TCF7L2: variants seen among roughly 807,000 people sequenced by gnomAD.
TCF7L2 encodes the protein transcription factor 7 like 2, also known as transcription factor 7-like 2.
A neutral mutation model predicts 77.9 loss-of-function variants in TCF7L2; 23 were observed. The observed-to-expected ratio is 0.30, with a 90% CI of 0.21 to 0.42. The LOEUF is 0.42. TCF7L2 is among the 10% of genes least tolerant of loss of function. The pLI is 1.00. For missense variants in TCF7L2, 654 were observed against 793.1 expected (o/e 0.82, Z 2.11); for synonymous variants, 413 against 340.2 (o/e 1.21, Z -2.36).
At chr10:113,014,429 T>C (rs776892996) in intron 4 of TCF7L2, among the ~76,000 whole-genome samples, 1 of 152,170 alleles carries the variant, frequency 6.6e-6, no homozygotes, top group African/African-American at 2.4e-5. Flanking sequence ...CTTCTTGACA[T>C]TGGGAGCTTT....
intron 5 of TCF7L2, among the ~76,000 whole-genome samples, chr10:113,107,774 A>AAAAAAAAAAC (rs1408038947): frequency 6.0e-5 from 9 of 149,896 alleles, no homozygotes; most frequent in Non-Finnish European, 8.9e-5. Flanking sequence ...AAAAAAAAAA[A>AAAAAAAAAAC]AACAACAAAA....
rs114389510 is a variant in TCF7L2, at chr10:113,023,339, A to G, written c.451-16686A>G. On this transcript the variant is annotated intron_variant, in intron 4 of 13. Transcript: ENST00000627217. ...GTTTTACCGCAGCAAGACCTCGTTAAGTTGGCTTCCTCTCATTTAGGCATT... is the reference window on the plus strand; with the variant it reads ...GTTTTACCGCAGCAAGACCTCGTTAGGTTGGCTTCCTCTCATTTAGGCATT... Among the ~76,000 whole-genome samples, 694 of 152,296 alleles carry G rather than the reference A, an allele frequency of 4.6e-3. 4 individuals carry two copies. Among genetic ancestry groups the G allele is most frequent in the African/African-American group, 0.015 (629 of 41,558 alleles).
chr10:113,141,254 A>G lies in TCF7L2; in HGVS notation c.623A>G (p.Asn208Ser), dbSNP rs778461209. ...CTCACGCCTCTTATCACGTACAGCA[A>G]TGAACACTTCACGCCGGGAAACCCA... Residue 208 changes from asparagine to serine, a missense_variant, in exon 6 of 14, where the codon AAT (asparagine) becomes AGT (serine). Transcript: ENST00000627217. 6 of 1,614,152 alleles carry G rather than the reference A, an allele frequency of 3.7e-6. No individual in the cohort carries two copies. In the East Asian group the frequency reaches 1.3e-4, roughly 36 times the overall value.
intron 4 of TCF7L2, among the ~76,000 whole-genome samples, chr10:112,968,683 A>G (rs1329923553): frequency 6.6e-6 from 1 of 152,056 alleles, no homozygotes; most frequent in Non-Finnish European, 1.5e-5. Flanking sequence ...GGATCAAGCA[A>G]TTCTCCTACC....
At chr10:112,969,021 C>G (rs1055266318) in intron 4 of TCF7L2, among the ~76,000 whole-genome samples, 15 of 152,164 alleles carry the variant, frequency 9.9e-5, no homozygotes, top group African/African-American at 3.1e-4. Context: ...TGTTGTGTCT[C>G]AGTAAAACTT....
At chr10:113,012,091 C>T (rs149541048) in intron 4 of TCF7L2, among the ~76,000 whole-genome samples, 5 of 152,270 alleles carry the variant, frequency 3.3e-5, no homozygotes, top group African/African-American at 1.2e-4. Context: ...GCTACTGCGC[C>T]TTGGCAATGG....
intron 5 of TCF7L2, among the ~76,000 whole-genome samples, chr10:113,049,423 C>G (rs1357000716): frequency 6.6e-6 from 1 of 152,010 alleles, no homozygotes; most frequent in Non-Finnish European, 1.5e-5. Flanking sequence ...ACCCCACATT[C>G]AACCCATCAG....
At chr10:113,045,206 G>A (rs1240749977) in intron 5 of TCF7L2, among the ~76,000 whole-genome samples, 1 of 152,178 alleles carries the variant, frequency 6.6e-6, no homozygotes, top group African/African-American at 2.4e-5. Flanking sequence ...CCAAGAGAGA[G>A]TGGAGTCAAT....
chr10:113,043,837 G>C (rs2052931155), intron 5 of TCF7L2, among the ~76,000 whole-genome samples: 1 of 152,124 alleles, frequency 6.6e-6, no homozygotes, highest in Non-Finnish European at 1.5e-5. Context: ...GGTAGAGTTT[G>C]AGTCAGTCTT....
intron 8 of TCF7L2, among the ~76,000 whole-genome samples, chr10:113,149,913 G>C (rs1475011978): frequency 1.3e-5 from 2 of 152,162 alleles, no homozygotes; most frequent in African/African-American, 4.8e-5. Flanking sequence ...TTCTATAGTA[G>C]GATATGTTGC....
intron 5 of TCF7L2, among the ~76,000 whole-genome samples, chr10:113,070,860 G>C (rs780226690): frequency 2.6e-5 from 4 of 152,130 alleles, no homozygotes; most frequent in Non-Finnish European, 4.4e-5. Context: ...CAGGAGTTGT[G>C]CGAGCATCGT....
chr10:113,135,901 C>G (rs764372520), intron 5 of TCF7L2, among the ~76,000 whole-genome samples: 1 of 152,010 alleles, frequency 6.6e-6, no homozygotes, highest in African/African-American at 2.4e-5. Flanking sequence ...CAGATCCCAC[C>G]GAGAGTCCTG....
At chr10:113,051,465 AAT>A (rs1344605810) in intron 5 of TCF7L2, among the ~76,000 whole-genome samples, 7 of 152,224 alleles carry the variant, frequency 4.6e-5, no homozygotes, top group African/African-American at 1.7e-4. Context: ...TATAATAAAA[AAT>A]GACATGCTTT....
chr10:113,123,007 G>T (rs1053130620), intron 5 of TCF7L2, among the ~76,000 whole-genome samples: 1 of 152,214 alleles, frequency 6.6e-6, no homozygotes, highest in Admixed American at 6.5e-5. Flanking sequence ...CATGACGAGA[G>T]TGAAGGGCAG....
chr10:113,042,961 G>C (rs1022674168), intron 5 of TCF7L2, among the ~76,000 whole-genome samples: 1 of 152,112 alleles, frequency 6.6e-6, no homozygotes, highest in African/African-American at 2.4e-5. Flanking sequence ...CAGACACTTG[G>C]GGCTCTTGTT....
Position 113,130,073 on chromosome 10 carries a change from CT to C in TCF7L2, c.553-11106del, listed in dbSNP as rs1056161115. On this transcript the variant is annotated intron_variant, in intron 5 of 13. Coordinates refer to ENST00000627217, the MANE Select transcript of TCF7L2 (RefSeq NM_001146274.2). ...TATGGTATTGACCATTAAACCTATGCTTTTTCCCCCCCCTTAATTTAGATCA... is the reference window on the plus strand; with the variant it reads ...TATGGTATTGACCATTAAACCTATGCTTTTCCCCCCCCTTAATTTAGATCA... The C allele has an allele frequency of 1.1e-4, 99 of 935,590 alleles. 1 individual carries two copies. Among genetic ancestry groups the C allele is most frequent in the South Asian group, 7.0e-4 (26 of 36,934 alleles). The allele number at this position is 935,590 out of a possible 1,614,324, so 58.0% of individuals were successfully genotyped here. A position where few individuals can be genotyped will look rare whatever the true frequency, so the allele number is the denominator to read the frequency against.
intron 4 of TCF7L2, among the ~76,000 whole-genome samples, chr10:113,023,764 G>C (rs899962368): frequency 6.6e-6 from 1 of 152,008 alleles, no homozygotes; most frequent in Non-Finnish European, 1.5e-5. Context: ...CACCTCCCGG[G>C]TTCATGCCAT....
intron 4 of TCF7L2, among the ~76,000 whole-genome samples, chr10:113,015,826 G>C (rs934303751): frequency 2.6e-5 from 4 of 152,130 alleles, no homozygotes; most frequent in Non-Finnish European, 1.5e-5. Context: ...ATGGAAGAAA[G>C]TGAAGGATGA....
intron 5 of TCF7L2, among the ~76,000 whole-genome samples, chr10:113,138,028 G>A (rs1485158887): frequency 6.6e-6 from 1 of 152,172 alleles, no homozygotes; most frequent in Non-Finnish European, 1.5e-5. Flanking sequence ...CAGGTTGGCT[G>A]GAGTGGCAAT....
Sources: gnomAD v4.1 joint callset for allele counts (sites outside exome capture counted in the v4.1 genomes callset) on GRCh38, gnomAD v4.1.1 for gene constraint, MANE v1.5 for transcripts, NCBI Gene and HGNC (gene_info 2026-07-23, HGNC 2026-07-21) for gene names.